EXOC4: variants seen among roughly 807,000 people sequenced by gnomAD.
EXOC4 encodes SEC8-like 1.
EXOC4 carries 71 observed loss-of-function variants against 107.2 expected under a neutral mutation model. That is an observed-to-expected ratio of 0.66 (90% CI 0.55 to 0.81). The LOEUF (loss-of-function observed/expected upper bound fraction) is 0.81. Among genes scored for constraint, EXOC4 ranks in the 30% least tolerant of loss-of-function variants. The pLI is 0.00. For synonymous variants in EXOC4, 456 were observed against 441.2 expected (o/e 1.03, Z -0.42); for missense variants, 1,108 against 1,189.6 (o/e 0.93, Z 1.01).
intron 5 of EXOC4, among the ~76,000 whole-genome samples, chr7:133,331,979 G>A (rs1795405928): frequency 6.6e-6 from 1 of 152,178 alleles, no homozygotes; most frequent in Non-Finnish European, 1.5e-5. Flanking sequence ...GTAGAAGGAT[G>A]GGAGAAGTGT....
intron 9 of EXOC4, among the ~76,000 whole-genome samples, chr7:133,527,567 T>C (rs1276327827): frequency 6.6e-6 from 1 of 152,144 alleles, no homozygotes; most frequent in Non-Finnish European, 1.5e-5. Context: ...TACTACACTC[T>C]GAGCAATAGG....
At position 133,967,032 on chromosome 7, in the gene EXOC4, C is replaced by T. The variant is rs112337793; in HGVS notation, c.2206+28963C>T. 7.6e-3 allele frequency among the ~76,000 whole-genome samples: 1,155 copies of T among 152,244 alleles called. 17 individuals are homozygous for T. Among genetic ancestry groups the T allele is most frequent in the African/African-American group, 0.027 (1,101 of 41,538 alleles). ...GTTATAGGTCTATTCAGGGCTTTGACTTCTTCCTGGTTTAGTCTTGGGAGG... is the reference window on the plus strand; with the variant it reads ...GTTATAGGTCTATTCAGGGCTTTGATTTCTTCCTGGTTTAGTCTTGGGAGG... On this transcript the variant is annotated intron_variant, in intron 14 of 17. Coordinates refer to ENST00000253861, the MANE Select transcript of EXOC4 (RefSeq NM_021807.4).
chr7:133,753,762 C>T (rs988000983), intron 10 of EXOC4, among the ~76,000 whole-genome samples: 8 of 152,182 alleles, frequency 5.3e-5, no homozygotes, highest in East Asian at 3.9e-4. Flanking sequence ...TATTTAGTGG[C>T]GTGAACTTGA....
intron 17 of EXOC4, among the ~76,000 whole-genome samples, chr7:134,029,487 TATTGATTG>T (rs57064497): frequency 2.6e-5 from 4 of 151,792 alleles, no homozygotes; most frequent in Non-Finnish European, 4.4e-5. Context: ...TTTGGTGGTC[TATTGATTG>T]ATTGATTGAT....
At chr7:133,633,201 A>G (rs753028857) in intron 10 of EXOC4, among the ~76,000 whole-genome samples, 1 of 152,190 alleles carries the variant, frequency 6.6e-6, no homozygotes, top group Admixed American at 6.5e-5. Flanking sequence ...GGGATGTCCT[A>G]TACCTTGTGG....
intron 10 of EXOC4, among the ~76,000 whole-genome samples, chr7:133,782,725 T>G (rs1463844704): frequency 6.6e-6 from 1 of 152,194 alleles, no homozygotes; most frequent in Non-Finnish European, 1.5e-5. Flanking sequence ...ACTGTCACCT[T>G]AGATTAAATG....
intron 9 of EXOC4, among the ~76,000 whole-genome samples, chr7:133,547,405 G>A (rs951865900): frequency 6.6e-6 from 1 of 152,164 alleles, no homozygotes; most frequent in Non-Finnish European, 1.5e-5. Context: ...GATCGGGATG[G>A]TGGTTGTTGA....
chr7:133,255,631 G>T (rs1166517827), intron 1 of EXOC4, among the ~76,000 whole-genome samples: 1 of 152,222 alleles, frequency 6.6e-6, no homozygotes, highest in Non-Finnish European at 1.5e-5. Flanking sequence ...CCTTAAGACC[G>T]AATGGTGTTG....
chr7:134,056,733 G>A (rs1192875005), intron 17 of EXOC4, among the ~76,000 whole-genome samples: 6 of 152,160 alleles, frequency 3.9e-5, no homozygotes, highest in Non-Finnish European at 7.3e-5. Flanking sequence ...TGTTGAAGAG[G>A]ACATGTCAAC....
chr7:134,073,230 A>AC, the EXOC4 span, among the ~76,000 whole-genome samples: 2 of 18,412 alleles, frequency 1.1e-4, no homozygotes, highest in African/African-American at 2.7e-4. Context: ...AAAAAAAAAA[A>AC]AACAACAAAG....
intron 11 of EXOC4, among the ~76,000 whole-genome samples, chr7:133,875,185 C>T (rs908333665): frequency 2.6e-5 from 4 of 152,132 alleles, no homozygotes; most frequent in Non-Finnish European, 5.9e-5. Context: ...AAGTGTGAGA[C>T]TTGTGATAAA....
intron 14 of EXOC4, among the ~76,000 whole-genome samples, chr7:133,965,042 T>C (rs552397578): frequency 1.8e-4 from 28 of 152,360 alleles, no homozygotes; most frequent in African/African-American, 5.5e-4. Flanking sequence ...TGAGATGGTA[T>C]CTCATTGTGA....
At chr7:133,908,805 A>G (rs935962665) in intron 12 of EXOC4, among the ~76,000 whole-genome samples, 2 of 152,216 alleles carry the variant, frequency 1.3e-5, no homozygotes, top group Admixed American at 6.5e-5. Flanking sequence ...TATTATTGAT[A>G]TTCAATAAGA....
At chr7:133,586,166 G>A (rs1365057371) in intron 9 of EXOC4, among the ~76,000 whole-genome samples, 1 of 152,124 alleles carries the variant, frequency 6.6e-6, no homozygotes, top group African/African-American at 2.4e-5. Flanking sequence ...TGTTTCATGT[G>A]CAGATTATTT....
intron 3 of EXOC4, chr7:133,290,854 G>C (rs1794388726): frequency 6.6e-6 from 1 of 152,066 alleles, no homozygotes; most frequent in Admixed American, 6.5e-5. Flanking sequence ...CATGTAACCA[G>C]TCTGCCAAAG....
intron 7 of EXOC4, among the ~76,000 whole-genome samples, chr7:133,436,637 A>G (rs1486977852): frequency 6.6e-6 from 1 of 152,212 alleles, no homozygotes; most frequent in Non-Finnish European, 1.5e-5. Flanking sequence ...CTATGAAATA[A>G]TCAGCCTCTT....
At chr7:133,521,975 G>A (rs928693792) in intron 9 of EXOC4, among the ~76,000 whole-genome samples, 1 of 151,900 alleles carries the variant, frequency 6.6e-6, no homozygotes, top group African/African-American at 2.4e-5. Context: ...AATAATAATG[G>A]TGTGGATTCA....
intron 10 of EXOC4, among the ~76,000 whole-genome samples, chr7:133,647,911 G>A (rs1465166563): frequency 6.6e-6 from 1 of 152,080 alleles, no homozygotes; most frequent in African/African-American, 2.4e-5. Flanking sequence ...ATTCCAGATA[G>A]TTCCCAGGCC....
chr7:133,996,798 T>C (rs1052807128), intron 14 of EXOC4, among the ~76,000 whole-genome samples: 10 of 152,152 alleles, frequency 6.6e-5, no homozygotes, highest in African/African-American at 2.4e-4. Context: ...TAGAGAAAAA[T>C]TGGAATGTTT....
Sources: gnomAD v4.1 joint callset for allele counts (sites outside exome capture counted in the v4.1 genomes callset) on GRCh38, gnomAD v4.1.1 for gene constraint, MANE v1.5 for transcripts, NCBI Gene and HGNC (gene_info 2026-07-23, HGNC 2026-07-21) for gene names.